SLC39A9: variants seen among roughly 807,000 people sequenced by gnomAD.
SLC39A9 encodes zinc transporter ZIP9.
Under a neutral mutation model 28.4 loss-of-function variants are expected in SLC39A9, and 14 were observed. The observed-to-expected ratio is 0.49, with a 90% confidence interval of 0.33 to 0.77. SLC39A9 has a LOEUF of 0.77. Among genes scored for constraint, SLC39A9 ranks in the 30% least tolerant of loss-of-function variants. The probability of loss-of-function intolerance (pLI) is 0.02; values close to 1 mark genes in which losing one functional copy is unlikely to be tolerated. For missense variants in SLC39A9, 283 were observed against 381.1 expected, an observed-to-expected ratio of 0.74 and a Z score of 2.14; for synonymous variants, 119 against 149.6, an observed-to-expected ratio of 0.80 and a Z score of 1.49.
In SLC39A9 at chr14:69,399,247, G is replaced by A. The variant is rs1346881248; in HGVS notation, c.-123G>A. On this transcript the variant is annotated 5_prime_UTR_variant, in exon 1 of 7. Coordinates refer to ENST00000336643, the MANE Select transcript of SLC39A9 (RefSeq NM_018375.5). The stretch of plus-strand genomic sequence containing the variant: ...TCGTGAACACATCTGCTGGTGGGAA[G>A]GCCTAAAGAACTGGAAAGCCCACTC... 1 of 779,444 alleles carries A rather than the reference G, an allele frequency of 1.3e-6. No homozygotes were observed. Among genetic ancestry groups the A allele is most frequent in the Non-Finnish European group, 2.2e-6 (1 of 462,204 alleles). 48.3% of individuals were successfully genotyped at this position (779,444 alleles called of 1,614,324 possible).
At chr14:69,430,643 T>C in intron 2 of SLC39A9, among the ~76,000 whole-genome samples, 1 of 151,220 alleles carries the variant, frequency 6.6e-6, no homozygotes, top group East Asian at 1.9e-4. Flanking sequence ...TTTTTTTTTT[T>C]CTTGAGACAA....
rs191559553 is a variant in SLC39A9, at chr14:69,419,974, A to T, written c.97-4120A>T. 5.9e-3 allele frequency among the ~76,000 whole-genome samples: 905 copies of T among 152,282 alleles called. 5 individuals carry two copies. Among genetic ancestry groups the T allele is most frequent in the Non-Finnish European group, 7.9e-3 (535 of 68,034 alleles). On this transcript the variant is annotated intron_variant, in intron 1 of 6. Transcript: ENST00000336643. ...TCAATTTGCCAGTCTGTGTCTTTTA[A>T]TTGGGGCATTGAGCCCATTTACATT...
intron 3 of SLC39A9, among the ~76,000 whole-genome samples, chr14:69,445,316 C>T (rs1040711281): frequency 3.3e-5 from 5 of 152,142 alleles, no homozygotes; most frequent in African/African-American, 9.7e-5. Context: ...TCCTCATCCT[C>T]CTCAGCCTAC....
chr14:69,448,883 A>G (rs931903229), intron 3 of SLC39A9, among the ~76,000 whole-genome samples: 4 of 149,020 alleles, frequency 2.7e-5, no homozygotes, highest in African/African-American at 4.8e-5. Context: ...TAAATGTTAG[A>G]GAAAAAGAAT....
At chr14:69,400,682 C>T (rs143767364) in intron 1 of SLC39A9, among the ~76,000 whole-genome samples, 43 of 152,220 alleles carry the variant, frequency 2.8e-4, no homozygotes, top group African/African-American at 1.0e-3. Context: ...TGAAAATAGC[C>T]TGTGGGTGGG....
chr14:69,459,651 A>C lies in SLC39A9; in HGVS notation c.*1058A>C. ...CTTTGGCGACACTGTGTCTTCTCACATAACCACCTGTAGCAAGATGGATCA... is the reference window on the plus strand; with the variant it reads ...CTTTGGCGACACTGTGTCTTCTCACCTAACCACCTGTAGCAAGATGGATCA... On this transcript the variant is annotated 3_prime_UTR_variant, in exon 7 of 7. Transcript: ENST00000336643. 2 of 984,772 alleles carry C rather than the reference A, an allele frequency of 2.0e-6. No homozygotes were observed. Among genetic ancestry groups the C allele is most frequent in the African/African-American group, 3.5e-5 (2 of 57,212 alleles). 61.0% of individuals were successfully genotyped at this position (984,772 alleles called of 1,614,324 possible).
rs78786480 is a variant in SLC39A9, at chr14:69,459,717, A to C, written c.*1124A>C. On this transcript the variant is annotated 3_prime_UTR_variant, in exon 7 of 7. Transcript: ENST00000336643. Reference sequence around the variant, plus strand: ...TGCCTATTGATTTAAAGCTTATTGGAATCATGTCTCTTGTCTCTTCGTCTT... The same window carrying C: ...TGCCTATTGATTTAAAGCTTATTGGCATCATGTCTCTTGTCTCTTCGTCTT... 5 of 984,690 alleles carry C rather than the reference A, an allele frequency of 5.1e-6. No homozygotes were observed. The highest frequency in any genetic ancestry group is 6.0e-6 in the Non-Finnish European group (5 of 829,522). 61.0% of individuals were successfully genotyped at this position (984,690 alleles called of 1,614,324 possible).
chr14:69,412,170 A>G (rs1176638216), intron 1 of SLC39A9, among the ~76,000 whole-genome samples: 1 of 151,468 alleles, frequency 6.6e-6, no homozygotes, highest in Non-Finnish European at 1.5e-5. Context: ...CGGGTGGATC[A>G]CGAGGTCAGG....
intron 1 of SLC39A9, among the ~76,000 whole-genome samples, chr14:69,410,161 T>C (rs1467098943): frequency 2.0e-5 from 3 of 152,254 alleles, no homozygotes; most frequent in Non-Finnish European, 4.4e-5. Context: ...GAAAAATAAA[T>C]TAATCTTATT....
At chr14:69,402,006 T>C (rs1226822067) in intron 1 of SLC39A9, among the ~76,000 whole-genome samples, 1 of 152,184 alleles carries the variant, frequency 6.6e-6, no homozygotes, top group Non-Finnish European at 1.5e-5. Context: ...GAAAGCACCA[T>C]TTCTTTCCTT....
In SLC39A9 at chr14:69,458,712, C is replaced by T; in HGVS notation, c.*119C>T. ...ACCTTGCGCATCTCTACATGTATTC[C>T]TAGAGTCCAGAGGGGAGGTGAGGTT... On this transcript the variant is annotated 3_prime_UTR_variant, in exon 7 of 7. Coordinates refer to ENST00000336643, the MANE Select transcript of SLC39A9 (RefSeq NM_018375.5). 1 of 1,432,106 alleles carries T rather than the reference C, an allele frequency of 7.0e-7. No individual in the cohort carries two copies. Among genetic ancestry groups the T allele is most frequent in the South Asian group, 1.5e-5 (1 of 66,014 alleles). 88.7% of individuals were successfully genotyped at this position (1,432,106 alleles called of 1,614,324 possible).
intron 2 of SLC39A9, among the ~76,000 whole-genome samples, chr14:69,436,630 A>G (rs559267601): frequency 6.6e-6 from 1 of 152,180 alleles, no homozygotes; most frequent in African/African-American, 2.4e-5. Flanking sequence ...TGCTTTGGCT[A>G]TGTCCTGTGT....
At chr14:69,407,765 A>G (rs778122706) in intron 1 of SLC39A9, among the ~76,000 whole-genome samples, 1 of 151,780 alleles carries the variant, frequency 6.6e-6, no homozygotes, top group African/African-American at 2.4e-5. Flanking sequence ...CAGCCTCCCA[A>G]GTAGCTGGGA....
intron 2 of SLC39A9, chr14:69,429,464 C>G (rs897971008): frequency 6.6e-6 from 1 of 152,070 alleles, no homozygotes; most frequent in African/African-American, 2.4e-5. Context: ...TGAATAAAGT[C>G]ACTATTAATG....
chr14:69,445,052 G>GAA (rs34157502), intron 3 of SLC39A9, among the ~76,000 whole-genome samples: 31 of 148,182 alleles, frequency 2.1e-4, no homozygotes, highest in South Asian at 6.4e-4. Context: ...TTGTTAAATG[G>GAA]AAAAAAAAAA....
At chr14:69,404,463 T>C (rs919361342) in intron 1 of SLC39A9, among the ~76,000 whole-genome samples, 2 of 152,202 alleles carry the variant, frequency 1.3e-5, no homozygotes, top group Admixed American at 6.5e-5. Context: ...CTTAACACTA[T>C]GTCTAGAACA....
At chr14:69,445,556 G>A (rs530306915) in intron 3 of SLC39A9, among the ~76,000 whole-genome samples, 12 of 151,572 alleles carry the variant, frequency 7.9e-5, no homozygotes, top group African/African-American at 2.9e-4. Flanking sequence ...AGTTTTTGGG[G>A]AGTGAAAAGT....
rs1884069513 is a variant in SLC39A9 at position 69,424,325 on chromosome 14, TTTG to T, written c.205+127_205+129del. 4.3e-6 allele frequency: 3 copies of T among 694,798 alleles called. No individual in the cohort carries two copies. In the South Asian group the frequency reaches 5.3e-5, roughly 12 times the overall value. The allele number at this position is 694,798 out of a possible 1,614,324, so 43.0% of individuals were successfully genotyped here. ...ACCATAGAGTTCTACCCTGAGAAGATTTGTTGAGAGATATCTTGATATCTTTGA... is the reference window on the plus strand; with the variant it reads ...ACCATAGAGTTCTACCCTGAGAAGATTTGAGAGATATCTTGATATCTTTGA... On this transcript the variant is annotated intron_variant, in intron 2 of 6. Coordinates refer to ENST00000336643, the MANE Select transcript of SLC39A9 (RefSeq NM_018375.5).
In SLC39A9 at chr14:69,432,499, T is replaced by A. The variant is rs116244253; in HGVS notation, c.205+8297T>A. On this transcript the variant is annotated intron_variant, in intron 2 of 6. Coordinates refer to ENST00000336643, the MANE Select transcript of SLC39A9 (RefSeq NM_018375.5). Reference sequence around the variant, plus strand: ...TTTGTGAATAATTTCTCCTATTCTGTAGGTTGTCTGTTTATTCTCTTGATA... The same window carrying A: ...TTTGTGAATAATTTCTCCTATTCTGAAGGTTGTCTGTTTATTCTCTTGATA... 2.9e-3 allele frequency among the ~76,000 whole-genome samples: 437 copies of A among 152,324 alleles called. 2 individuals are homozygous for A. Among genetic ancestry groups the A allele is most frequent in the African/African-American group, 0.01 (418 of 41,574 alleles).
Sources: allele counts gnomAD v4.1 joint callset (sites outside exome capture counted in the v4.1 genomes callset), GRCh38; gene constraint gnomAD v4.1.1; transcripts MANE v1.5; gene names NCBI Gene and HGNC (gene_info 2026-07-23, HGNC 2026-07-21).